The following CNTN4 variants were observed in gnomAD, a reference collection of about 807,000 sequenced individuals.
CNTN4 encodes the protein contactin-4.
Under a neutral mutation model 122.5 loss-of-function variants are expected in CNTN4, and 77 were observed. The observed-to-expected ratio is 0.63, with a 90% CI of 0.52 to 0.76. The LOEUF (loss-of-function observed/expected upper bound fraction) is 0.76. Ranked by LOEUF, CNTN4 falls within the 30% of genes least tolerant of loss-of-function variation. The probability of loss-of-function intolerance (pLI) is 0.00; values close to 1 mark genes in which losing one functional copy is unlikely to be tolerated. For synonymous variants in CNTN4, 512 were observed against 447.0 expected (o/e 1.15, Z -1.83); for missense variants, 1,256 against 1,259.1 (o/e 1.00, Z 0.04).
At chr3:2,435,460 C>G (rs568311109) in intron 3 of CNTN4, among the ~76,000 whole-genome samples, 2 of 152,184 alleles carry the variant, frequency 1.3e-5, no homozygotes, top group African/African-American at 4.8e-5. Flanking sequence ...TCAGTACAGA[C>G]ACAACCATCC....
intron 5 of CNTN4, among the ~76,000 whole-genome samples, chr3:2,740,576 C>T (rs1487224223): frequency 6.6e-6 from 1 of 152,114 alleles, no homozygotes; most frequent in Non-Finnish European, 1.5e-5. Context: ...CACTTTTAAA[C>T]ACAGATCTTC....
At chr3:2,708,644 C>G (rs1543148) in intron 4 of CNTN4, among the ~76,000 whole-genome samples, 1 of 150,812 alleles carries the variant, frequency 6.6e-6, no homozygotes, top group Admixed American at 6.6e-5. Context: ...AATCTGGAGA[C>G]CTTCATGTAC....
At chr3:2,882,352 C>A (rs561620750) in intron 8 of CNTN4, among the ~76,000 whole-genome samples, 1 of 148,308 alleles carries the variant, frequency 6.7e-6, no homozygotes, top group Admixed American at 6.8e-5. Context: ...GGTGACAGAG[C>A]GAGACTTCGT....
At chr3:2,666,481 T>C (rs909157665) in intron 4 of CNTN4, among the ~76,000 whole-genome samples, 1 of 152,208 alleles carries the variant, frequency 6.6e-6, no homozygotes, top group East Asian at 1.9e-4. Context: ...TTATGATCAC[T>C]GTTGATTTTT....
chr3:2,350,750 G>A (rs1290985318), intron 3 of CNTN4, among the ~76,000 whole-genome samples: 2 of 152,062 alleles, frequency 1.3e-5, no homozygotes, highest in Non-Finnish European at 2.9e-5. Context: ...AATTTAATCA[G>A]GAACTATCTA....
intron 2 of CNTN4, among the ~76,000 whole-genome samples, chr3:2,218,204 G>A (rs2149476592): frequency 6.6e-6 from 1 of 152,232 alleles, no homozygotes; most frequent in Middle Eastern, 3.4e-3. Flanking sequence ...AGCTAAGAAT[G>A]TATACACTGT....
intron 7 of CNTN4, among the ~76,000 whole-genome samples, chr3:2,831,211 T>C (rs927150616): frequency 2.6e-5 from 4 of 152,206 alleles, no homozygotes; most frequent in African/African-American, 9.7e-5. Flanking sequence ...ATTAAAGCTT[T>C]TGATTCTATG....
At chr3:2,595,911 G>T (rs2080747534) in intron 4 of CNTN4, among the ~76,000 whole-genome samples, 1 of 152,188 alleles carries the variant, frequency 6.6e-6, no homozygotes, top group African/African-American at 2.4e-5. Context: ...TAATCGCCAT[G>T]AGGATTATGT....
intron 4 of CNTN4, among the ~76,000 whole-genome samples, chr3:2,622,089 AC>A (rs1446835935): frequency 6.6e-6 from 1 of 151,806 alleles, no homozygotes; most frequent in Non-Finnish European, 1.5e-5. Flanking sequence ...GTTGGAAAAC[AC>A]CCCCTTTCTC....
At chr3:2,697,224 G>A (rs1516399) in intron 4 of CNTN4, among the ~76,000 whole-genome samples, 35,750 of 152,152 alleles carry the variant, frequency 0.23, 4,422 homozygotes, top group South Asian at 0.43. Flanking sequence ...AAGAGAGCCT[G>A]TAGTATTGAG....
chr3:2,195,258 C>G (rs576592948), intron 2 of CNTN4, among the ~76,000 whole-genome samples: 43 of 152,302 alleles, frequency 2.8e-4, no homozygotes, highest in South Asian at 2.1e-3. Context: ...GGATTTCATT[C>G]TTTTTCATGT....
At chr3:2,976,745 G>A (rs1385661204) in intron 13 of CNTN4, among the ~76,000 whole-genome samples, 2 of 152,028 alleles carry the variant, frequency 1.3e-5, no homozygotes, top group Non-Finnish European at 2.9e-5. Flanking sequence ...CCATCATGCT[G>A]AGAATTTCCA....
At chr3:2,561,698 A>C (rs2078963042) in intron 3 of CNTN4, among the ~76,000 whole-genome samples, 1 of 152,202 alleles carries the variant, frequency 6.6e-6, no homozygotes, top group African/African-American at 2.4e-5. Flanking sequence ...GAGGAAAGTG[A>C]GGCTAACAGA....
At chr3:2,192,542 C>G (rs1474091321) in intron 2 of CNTN4, among the ~76,000 whole-genome samples, 3 of 152,084 alleles carry the variant, frequency 2.0e-5, no homozygotes, top group African/African-American at 7.2e-5. Flanking sequence ...ACTCATCTGA[C>G]AAAGGGCTAA....
intron 6 of CNTN4, among the ~76,000 whole-genome samples, chr3:2,818,556 A>G (rs533677157): frequency 7.2e-5 from 11 of 152,364 alleles, no homozygotes; most frequent in Admixed American, 3.3e-4. Context: ...GTAATAGACA[A>G]CAAAAAACGA....
intron 17 of CNTN4, 54 bp downstream of exon 17, chr3:3,034,844 C>T: frequency 6.3e-7 from 1 of 1,575,018 alleles, no homozygotes; most frequent in Non-Finnish European, 8.7e-7. Context: ...ATACTGGACA[C>T]AGCACTGTGG....
At chr3:2,705,634 A>ATATAATATATAAAAAG (rs2086643702) in intron 4 of CNTN4, among the ~76,000 whole-genome samples, 4 of 86,440 alleles carry the variant, frequency 4.6e-5, no homozygotes, top group Admixed American at 2.2e-4. Context: ...ATATAAATAT[A>ATATAATATATAAAAAG]TATATTATAT....
In CNTN4 at chr3:2,959,753, AT is replaced by A. The variant is rs564258581; in HGVS notation, c.1359-28589del. 2.6e-3 allele frequency among the ~76,000 whole-genome samples: 396 copies of A among 152,188 alleles called. 3 individuals carry two copies. Among genetic ancestry groups the A allele is most frequent in the African/African-American group, 9.2e-3 (381 of 41,546 alleles). On this transcript the variant is annotated intron_variant, in intron 13 of 24. Transcript: ENST00000418658. ...ATCCCCTAGTTTATTCCAGACGTAA[AT>A]TTCCCCAAAGACTTTTAGCACCTAT...
At chr3:2,735,217 G>T (rs1012592726) in intron 4 of CNTN4, among the ~76,000 whole-genome samples, 1 of 152,154 alleles carries the variant, frequency 6.6e-6, no homozygotes, top group African/African-American at 2.4e-5. Context: ...AAAGGTTGAG[G>T]GTCTAGCAGA....
Sources: allele counts gnomAD v4.1 joint callset (sites outside exome capture counted in the v4.1 genomes callset), GRCh38; gene constraint gnomAD v4.1.1; transcripts MANE v1.5; gene names NCBI Gene and HGNC (gene_info 2026-07-23, HGNC 2026-07-21).